Variants in ABCC1 observed in about 807,000 individuals in gnomAD.
ABCC1 encodes the protein multidrug resistance-associated protein 1.
In ABCC1, 83 loss-of-function variants were observed where a neutral mutation model predicts 172.9. The ratio of observed to expected loss-of-function variants is 0.48; its 90% CI spans 0.40 to 0.58. The LOEUF is 0.58. Ranked by LOEUF, ABCC1 falls within the 20% of genes least tolerant of loss-of-function variation. The pLI is 0.00. For missense variants in ABCC1, 1,817 were observed against 2,002.7 expected, an observed-to-expected ratio of 0.91 and a Z score of 1.77; for synonymous variants, 937 against 825.2, an observed-to-expected ratio of 1.14 and a Z score of -2.32.
intron 1 of ABCC1, 107 bp downstream of exon 1, chr16:15,949,906 C>A: frequency 9.9e-7 from 1 of 1,007,472 alleles, no homozygotes. Flanking sequence ...CGCTCTGCTG[C>A]CGGCCTCGGG....
chr16:16,104,385 C>T (rs182965194), intron 20 of ABCC1, among the ~76,000 whole-genome samples: 3 of 152,144 alleles, frequency 2.0e-5, no homozygotes, highest in Admixed American at 2.0e-4. Context: ...GTTTACAACC[C>T]CTGAGCTAGA....
intron 22 of ABCC1, 75 bp downstream of exon 22, chr16:16,111,657 T>C: frequency 7.3e-7 from 1 of 1,375,782 alleles, no homozygotes; most frequent in Non-Finnish European, 1.0e-6. Flanking sequence ...AAATGGATCC[T>C]TAGAGTCCTC....
At chr16:15,953,533 G>A (rs938286819) in intron 1 of ABCC1, among the ~76,000 whole-genome samples, 1 of 152,206 alleles carries the variant, frequency 6.6e-6, no homozygotes, top group Non-Finnish European at 1.5e-5. Context: ...GCGGTGACTT[G>A]AGGAATAAGT....
chr16:16,072,340 A>G (rs956677941), intron 14 of ABCC1, among the ~76,000 whole-genome samples: 8 of 151,670 alleles, frequency 5.3e-5, no homozygotes, highest in Non-Finnish European at 1.0e-4. Context: ...ACAGCACCAT[A>G]CTTGGATAAT....
rs186316357 is a variant in ABCC1, at chr16:16,114,647, T to C, written c.3080-119T>C. 262 of 879,488 alleles carry C rather than the reference T, an allele frequency of 3.0e-4. 3 individuals are homozygous for C. In the African/African-American group the frequency reaches 3.1e-3, roughly 11 times the overall value. 54.5% of individuals were successfully genotyped at this position (879,488 alleles called of 1,614,324 possible). A position where few individuals can be genotyped will look rare whatever the true frequency, so the allele number is the denominator to read the frequency against. On this transcript the variant is annotated intron_variant, in intron 22 of 30. Coordinates refer to ENST00000399410, the MANE Select transcript of ABCC1 (RefSeq NM_004996.4). ...TGAGCCACCATGCCTGGTTCATCAT[T>C]ATTATTATTATTAGAAGTTGGGAGT...
intron 1 of ABCC1, among the ~76,000 whole-genome samples, chr16:15,961,425 G>A (rs1431824135): frequency 1.3e-5 from 2 of 152,166 alleles, no homozygotes. Flanking sequence ...CTGCAACTTT[G>A]TTGATGATGC....
intron 16 of ABCC1, among the ~76,000 whole-genome samples, chr16:16,079,817 T>C (rs2050736056): frequency 6.7e-6 from 1 of 149,974 alleles, no homozygotes; most frequent in Non-Finnish European, 1.5e-5. Flanking sequence ...ATTATTATTG[T>C]GTTTTTTTTT....
chr16:16,033,319 G>A, intron 6 of ABCC1, 149 bp downstream of exon 6: 1 of 760,476 alleles, frequency 1.3e-6, no homozygotes, highest in Non-Finnish European at 2.2e-6. Context: ...TGCTGGCCAT[G>A]TGGTCTCAGA....
chr16:16,012,405 G>A lies in ABCC1; in HGVS notation c.352-2086G>A, dbSNP rs2047818541. Among the ~76,000 whole-genome samples, 4 of 152,158 alleles carry A rather than the reference G, an allele frequency of 2.6e-5. No individual in the cohort carries two copies. In the South Asian group the frequency reaches 8.3e-4, roughly 32 times the overall value. On this transcript the variant is annotated intron_variant, in intron 3 of 30. Coordinates refer to ENST00000399410, the MANE Select transcript of ABCC1 (RefSeq NM_004996.4). ...TAAGCGTTCCATAAATGCATGGAGG[G>A]AATGAGAGAGTAAAGGGCTTTGCTT...
rs550278447 is a variant in ABCC1, at chr16:16,103,643, G to T, written c.2735+926G>T. Reference sequence around the variant, plus strand: ...AAACAGTAAAACAACAACAAAAATTGACAAAGTCGGAGCCTAAACGTATCA... The same window carrying T: ...AAACAGTAAAACAACAACAAAAATTTACAAAGTCGGAGCCTAAACGTATCA... On this transcript the variant is annotated intron_variant, in intron 20 of 30. Coordinates refer to ENST00000399410, the MANE Select transcript of ABCC1 (RefSeq NM_004996.4). 2.3e-3 allele frequency among the ~76,000 whole-genome samples: 347 copies of T among 152,230 alleles called. 2 individuals carry two copies. The highest frequency in any genetic ancestry group is 3.5e-3 in the Non-Finnish European group (237 of 68,004).
At chr16:16,053,930 A>C (rs1487777426) in intron 11 of ABCC1, among the ~76,000 whole-genome samples, 1 of 151,494 alleles carries the variant, frequency 6.6e-6, no homozygotes, top group Non-Finnish European at 1.5e-5. Context: ...ATGTATATAC[A>C]GACCTGATTA....
intron 22 of ABCC1, among the ~76,000 whole-genome samples, chr16:16,113,063 C>A (rs915218783): frequency 2.0e-5 from 3 of 152,156 alleles, no homozygotes; most frequent in African/African-American, 7.2e-5. Flanking sequence ...ACACACAGTG[C>A]GCTCCTGTGG....
At chr16:16,132,506 G>GTTTTTTTTTT (rs1567441293) in intron 27 of ABCC1, among the ~76,000 whole-genome samples, 5 of 100,950 alleles carry the variant, frequency 5.0e-5, no homozygotes, top group African/African-American at 1.4e-4. Context: ...TTTTTTGGTT[G>GTTTTTTTTTT]GTTGTTTTTT....
intron 5 of ABCC1, among the ~76,000 whole-genome samples, chr16:16,022,902 G>A (rs899764984): frequency 1.5e-5 from 2 of 137,738 alleles, no homozygotes; most frequent in Non-Finnish European, 3.3e-5. Context: ...CCAGCCAACC[G>A]GCTACTTTTG....
In ABCC1 at chr16:16,045,705, A is replaced by G. The variant is rs1266494568; in HGVS notation, c.1041-131A>G. 1.3e-5 allele frequency: 12 copies of G among 922,252 alleles called. No homozygotes were observed. The South Asian group carries it at 1.7e-4, about 13-fold the overall frequency. The allele number at this position is 922,252 out of a possible 1,614,324, so 57.1% of individuals were successfully genotyped here. On this transcript the variant is annotated intron_variant, in intron 8 of 30. Transcript: ENST00000399410. ...ATCACCACTGTGGACTTGTTTTTCC[A>G]TCTATGAAATTGAAGTGATAGTGTC... is the stretch of plus-strand genomic sequence containing the variant.
intron 5 of ABCC1, among the ~76,000 whole-genome samples, chr16:16,023,280 T>A (rs1413801173): frequency 6.6e-6 from 1 of 152,198 alleles, no homozygotes; most frequent in Non-Finnish European, 1.5e-5. Flanking sequence ...TCCAAGTAAA[T>A]CATTAGCTAG....
chr16:16,136,922 T>C (rs1351830876), intron 29 of ABCC1, among the ~76,000 whole-genome samples: 1 of 152,178 alleles, frequency 6.6e-6, no homozygotes, highest in Non-Finnish European at 1.5e-5. Flanking sequence ...TGTTAAGCTA[T>C]GGAAAGTCTT....
chr16:16,031,866 A>G (rs1429956125), intron 5 of ABCC1, among the ~76,000 whole-genome samples: 1 of 151,620 alleles, frequency 6.6e-6, no homozygotes, highest in East Asian at 1.9e-4. Context: ...TCATGTGATC[A>G]TTTGATGCAT....
At position 15,970,064 on chromosome 16, in the gene ABCC1, C is replaced by G. The variant is rs142047988; in HGVS notation, c.48+20265C>G. 2.1e-3 allele frequency among the ~76,000 whole-genome samples: 319 copies of G among 152,240 alleles called. 1 individual carries two copies. Among genetic ancestry groups the G allele is most frequent in the African/African-American group, 7.2e-3 (298 of 41,546 alleles). On this transcript the variant is annotated intron_variant, in intron 1 of 30. Coordinates refer to ENST00000399410, the MANE Select transcript of ABCC1 (RefSeq NM_004996.4). ...ATCTGGTTGGAGAGAAAAAAGGAGA[C>G]TCCTTAAGTGGGGAACCCGTTTGAT...
Sources: allele counts gnomAD v4.1 joint callset (sites outside exome capture counted in the v4.1 genomes callset), GRCh38; gene constraint gnomAD v4.1.1; transcripts MANE v1.5; gene names NCBI Gene and HGNC (gene_info 2026-07-23, HGNC 2026-07-21).